FANK1: variants seen among roughly 807,000 people sequenced by gnomAD.
FANK1 encodes fibronectin type III and ankyrin repeat domains 1.
In FANK1, 44 loss-of-function variants were observed where a neutral mutation model predicts 45.3. That is an observed-to-expected ratio of 0.97 (90% CI 0.76 to 1.25). The LOEUF (loss-of-function observed/expected upper bound fraction) is 1.25. Among genes scored for constraint, FANK1 ranks in the 50% most tolerant of loss-of-function variants. The pLI is 0.00. For synonymous variants in FANK1, 149 were observed against 152.5 expected (o/e 0.98, Z 0.17); for missense variants, 391 against 424.4 (o/e 0.92, Z 0.69).
chr10:125,897,857 T>A (rs1944682621), intron 1 of FANK1, among the ~76,000 whole-genome samples: 1 of 151,860 alleles, frequency 6.6e-6, no homozygotes, highest in South Asian at 2.1e-4. Context: ...GAAATATACC[T>A]TTTAAAAACA....
At chr10:126,008,915 C>T in intron 8 of FANK1, 139 bp from the exon 9 acceptor site, 2 of 743,836 alleles carry the variant, frequency 2.7e-6, no homozygotes. Flanking sequence ...GCTGTGCCTG[C>T]AGGCCATGCA....
At chr10:125,980,521 T>A (rs1951135899) in intron 2 of FANK1, 183 bp downstream of exon 2, 2 of 590,038 alleles carry the variant, frequency 3.4e-6, no homozygotes, top group African/African-American at 3.8e-5. Context: ...ACTTTGAAAT[T>A]AAACCTCTGT....
rs141189431 is a variant in FANK1 at position 125,932,500 on chromosome 10, C to G, written c.13+35845C>G. Among the ~76,000 whole-genome samples, 22 of 152,196 alleles carry G rather than the reference C, an allele frequency of 1.4e-4. No homozygotes were observed. The East Asian group carries it at 3.9e-3, about 27-fold the overall frequency. On this transcript the variant is annotated intron_variant, in intron 1 of 10. Coordinates refer to ENST00000368693, the MANE Select transcript of FANK1 (RefSeq NM_145235.5). ...GGTGAGTTCTTGATTTGATTCTCCC[C>G]TTGGTCGCTGTTGGTGTATAGAAGA...
intron 6 of FANK1, among the ~76,000 whole-genome samples, chr10:126,000,968 C>T (rs7092355): frequency 0.7 from 106,481 of 151,906 alleles, 37,765 homozygotes; most frequent in East Asian, 0.78. Flanking sequence ...AAATTGGTGA[C>T]TAAAAAATAA....
chr10:125,918,588 A>AAAAAAAG (rs1946674785), intron 1 of FANK1, among the ~76,000 whole-genome samples: 1 of 94,114 alleles, frequency 1.1e-5, no homozygotes, highest in Non-Finnish European at 2.1e-5. Flanking sequence ...AAAAAAAAAT[A>AAAAAAAG]TATATATATA....
chr10:125,992,891 C>T (rs80091922), intron 3 of FANK1, among the ~76,000 whole-genome samples: 205 of 152,298 alleles, frequency 1.3e-3, no homozygotes, highest in Non-Finnish European at 2.4e-3. Flanking sequence ...GGGAGGATCA[C>T]ATTTACTTAT....
chr10:125,967,957 G>T (rs1211995468), intron 1 of FANK1, among the ~76,000 whole-genome samples: 1 of 152,086 alleles, frequency 6.6e-6, no homozygotes, highest in African/African-American at 2.4e-5. Context: ...GTAATATACA[G>T]TGTAATGCTC....
chr10:125,965,234 A>G (rs1157300832), intron 1 of FANK1, among the ~76,000 whole-genome samples: 1 of 152,226 alleles, frequency 6.6e-6, no homozygotes, highest in East Asian at 1.9e-4. Flanking sequence ...TTTGATTTTC[A>G]GTGAGGTTGA....
intron 3 of FANK1, chr10:125,994,882 T>G: frequency 1.0e-6 from 1 of 985,386 alleles, no homozygotes; most frequent in Non-Finnish European, 1.2e-6. Context: ...CCTAATTGGC[T>G]TTTCTCCTGG....
chr10:125,970,275 T>TGCC (rs1373091040), intron 1 of FANK1, among the ~76,000 whole-genome samples: 1 of 151,398 alleles, frequency 6.6e-6, no homozygotes, highest in Non-Finnish European at 1.5e-5. Flanking sequence ...ATGGGGCGGC[T>TGCC]GCTGGGCGGG....
intron 2 of FANK1, 100 bp downstream of exon 2, chr10:125,980,438 A>G: frequency 7.7e-7 from 1 of 1,301,122 alleles, no homozygotes; most frequent in South Asian, 1.5e-5. Flanking sequence ...TTCAAATTAA[A>G]GAATGAGTCA....
chr10:125,966,738 A>G (rs1950219702), intron 1 of FANK1, among the ~76,000 whole-genome samples: 1 of 152,192 alleles, frequency 6.6e-6, no homozygotes, highest in Non-Finnish European at 1.5e-5. Flanking sequence ...ACTTGTTGCT[A>G]TCATATATGT....
intron 1 of FANK1, among the ~76,000 whole-genome samples, chr10:125,977,322 CTTG>C (rs1486849576): frequency 4.6e-5 from 7 of 152,082 alleles, no homozygotes; most frequent in African/African-American, 7.3e-5. Context: ...TTGAAGCTTA[CTTG>C]TTGTCTCTGG....
At chr10:126,001,396 G>A (rs1952744394) in intron 6 of FANK1, among the ~76,000 whole-genome samples, 1 of 152,216 alleles carries the variant, frequency 6.6e-6, no homozygotes, top group Admixed American at 6.5e-5. Context: ...AGGGAGAAGA[G>A]AAAATCATAC....
intron 1 of FANK1, among the ~76,000 whole-genome samples, chr10:125,931,703 A>G (rs1452669067): frequency 6.6e-6 from 1 of 152,188 alleles, no homozygotes; most frequent in Non-Finnish European, 1.5e-5. Context: ...GCAAAAGCTC[A>G]TTAGTTTAAT....
At chr10:125,970,024 C>T (rs1254052782) in intron 1 of FANK1, among the ~76,000 whole-genome samples, 2 of 152,252 alleles carry the variant, frequency 1.3e-5, no homozygotes, top group East Asian at 3.8e-4. Context: ...ATGTTTACTT[C>T]TTTCTACACA....
At chr10:126,006,379 T>C (rs992076895) in intron 7 of FANK1, among the ~76,000 whole-genome samples, 1 of 152,194 alleles carries the variant, frequency 6.6e-6, no homozygotes, top group African/African-American at 2.4e-5. Flanking sequence ...ATTTTCCTTA[T>C]GTTTTAGAGA....
intron 1 of FANK1, among the ~76,000 whole-genome samples, chr10:125,977,468 A>T (rs1016337140): frequency 2.6e-5 from 4 of 152,082 alleles, no homozygotes; most frequent in African/African-American, 7.2e-5. Flanking sequence ...GTTTCCTCAC[A>T]GTTTCCGTCA....
At chr10:125,944,527 C>G (rs948380883) in intron 1 of FANK1, among the ~76,000 whole-genome samples, 2 of 152,168 alleles carry the variant, frequency 1.3e-5, no homozygotes, top group Non-Finnish European at 2.9e-5. Context: ...TGGCGATAAA[C>G]CAGCCCCAAA....
Sources: allele counts gnomAD v4.1 joint callset (sites outside exome capture counted in the v4.1 genomes callset), GRCh38; gene constraint gnomAD v4.1.1; transcripts MANE v1.5; gene names NCBI Gene and HGNC (gene_info 2026-07-23, HGNC 2026-07-21).